Variants in NBAS observed in about 807,000 individuals in gnomAD.
The protein encoded by NBAS is NAG/BC035112 fusion.
In NBAS, 219 loss-of-function variants were observed where a neutral mutation model predicts 302.5. The observed-to-expected ratio is 0.72, with a 90% CI of 0.65 to 0.81. The LOEUF (loss-of-function observed/expected upper bound fraction) is 0.81. NBAS is among the 30% of genes least tolerant of loss of function. NBAS has a pLI of 0.00. For missense variants in NBAS, 2,932 were observed against 2,841.6 expected (o/e 1.03, Z -0.72); for synonymous variants, 1,118 against 1,021.6 (o/e 1.09, Z -1.80).
At chr2:15,349,505 G>C (rs893271920) in intron 35 of NBAS, among the ~76,000 whole-genome samples, 1 of 152,176 alleles carries the variant, frequency 6.6e-6, no homozygotes, top group Non-Finnish European at 1.5e-5. Context: ...CATCTGAAGG[G>C]AGTGAGTGCA....
chr2:15,280,617 G>A (rs891085557), intron 42 of NBAS, among the ~76,000 whole-genome samples: 33 of 152,028 alleles, frequency 2.2e-4, no homozygotes, highest in African/African-American at 7.7e-4. Flanking sequence ...TTTCAAGTTC[G>A]GCTTTCTGCT....
chr2:15,155,786 T>C, the NBAS span, among the ~76,000 whole-genome samples: 1 of 152,220 alleles, frequency 6.6e-6, no homozygotes, highest in Non-Finnish European at 1.5e-5. Flanking sequence ...AAACTGACTG[T>C]TGAAAAGTTT....
At chr2:14,793,259 T>G in the NBAS span, among the ~76,000 whole-genome samples, 1 of 152,200 alleles carries the variant, frequency 6.6e-6, no homozygotes, top group Non-Finnish European at 1.5e-5. Context: ...TATGGTATTT[T>G]GTTATGGCAG....
At chr2:15,432,251 T>G (rs1020345594) in intron 21 of NBAS, among the ~76,000 whole-genome samples, 1 of 151,210 alleles carries the variant, frequency 6.6e-6, no homozygotes, top group South Asian at 2.1e-4. Flanking sequence ...TGGGAAGTCT[T>G]AAGATTTAAA....
chr2:15,359,769 G>C (rs1673803918), intron 32 of NBAS, among the ~76,000 whole-genome samples: 1 of 152,024 alleles, frequency 6.6e-6, no homozygotes, highest in South Asian at 2.1e-4. Flanking sequence ...ACAGGGGTTG[G>C]TTCATAGTTG....
At chr2:14,936,192 A>C in the NBAS span, among the ~76,000 whole-genome samples, 1 of 152,150 alleles carries the variant, frequency 6.6e-6, no homozygotes, top group African/African-American at 2.4e-5. Context: ...TGCAGGAAAA[A>C]CCATAGCAGA....
intron 44 of NBAS, among the ~76,000 whole-genome samples, chr2:15,270,478 A>T (rs150501137): frequency 6.6e-6 from 1 of 152,306 alleles, no homozygotes; most frequent in Non-Finnish European, 1.5e-5. Flanking sequence ...TTAACTTCTA[A>T]TATGATAAAT....
chr2:14,915,575 T>C, the NBAS span, among the ~76,000 whole-genome samples: 2 of 152,114 alleles, frequency 1.3e-5, no homozygotes, highest in Non-Finnish European at 2.9e-5. Flanking sequence ...GTTTTTTTTG[T>C]TTTTTGAGAC....
the NBAS span, among the ~76,000 whole-genome samples, chr2:14,935,028 T>G: frequency 1.3e-5 from 2 of 152,212 alleles, no homozygotes; most frequent in African/African-American, 4.8e-5. Flanking sequence ...ATTTTTCTAT[T>G]AATCCAGCTC....
Position 15,461,263 on chromosome 2 carries a change from A to T in NBAS, c.2277T>A (p.Ile759=). 1 of 1,613,782 alleles carries T rather than the reference A, an allele frequency of 6.2e-7. No individual in the cohort carries two copies. Among genetic ancestry groups the T allele is most frequent in the Non-Finnish European group, 8.5e-7 (1 of 1,179,722 alleles). The change falls in exon 21 of 52, where the codon ATT becomes ATA. Residue 759 remains isoleucine (I), a synonymous_variant. Coordinates refer to ENST00000281513, the MANE Select transcript of NBAS (RefSeq NM_015909.4). Reference sequence around the variant, plus strand: ...AAGTGGTCTCTGGAAAGTTGGACAGAATTGCAAGGCGATGAGGAAGCAGGT... The same window carrying T: ...AAGTGGTCTCTGGAAAGTTGGACAGTATTGCAAGGCGATGAGGAAGCAGGT... ...GSDLLPHRLA[I]LSNFPETTSP...
Position 15,340,466 on chromosome 2 carries a change from G to A in NBAS, c.4180-9701C>T, listed in dbSNP as rs114556710. Among the ~76,000 whole-genome samples, 421 of 152,248 alleles carry A rather than the reference G, an allele frequency of 2.8e-3. 1 individual carries two copies. The highest frequency in any genetic ancestry group is 9.3e-3 in the African/African-American group (387 of 41,552). ...GATGTGGTAGGTGGGGAGAGGAAGA[G>A]GGCTGAAATCAGTAGTTCAATTTTA... On this transcript the variant is annotated intron_variant, in intron 35 of 51. Coordinates refer to ENST00000281513, the MANE Select transcript of NBAS (RefSeq NM_015909.4).
the NBAS span, among the ~76,000 whole-genome samples, chr2:14,859,846 T>C: frequency 6.6e-6 from 1 of 152,110 alleles, no homozygotes; most frequent in East Asian, 1.9e-4. Flanking sequence ...TACATCAAGC[T>C]AAAAAGCTTC....
At chr2:15,179,242 G>C in intron 50 of NBAS, 126 bp from the exon 51 acceptor site, 1 of 1,396,180 alleles carries the variant, frequency 7.2e-7, no homozygotes, top group East Asian at 2.4e-5. Context: ...GCCACATATG[G>C]TACCGCACTG....
the NBAS span, among the ~76,000 whole-genome samples, chr2:15,002,530 G>A: frequency 5.5e-4 from 84 of 152,298 alleles, no homozygotes; most frequent in Non-Finnish European, 1.0e-3. Context: ...CACGCCGTGC[G>A]CCCACACTCC....
At chr2:15,403,261 C>A (rs1676239965) in intron 25 of NBAS, among the ~76,000 whole-genome samples, 1 of 152,048 alleles carries the variant, frequency 6.6e-6, no homozygotes, top group Non-Finnish European at 1.5e-5. Flanking sequence ...GTAGAAAAAT[C>A]ACATCAATGG....
At chr2:15,453,990 G>C (rs764352880) in intron 21 of NBAS, among the ~76,000 whole-genome samples, 7 of 152,018 alleles carry the variant, frequency 4.6e-5, no homozygotes, top group Non-Finnish European at 8.8e-5. Context: ...TGTTGGCCAG[G>C]ATGGTCTCAA....
chr2:15,061,226 G>T, the NBAS span, among the ~76,000 whole-genome samples: 1 of 152,064 alleles, frequency 6.6e-6, no homozygotes. Flanking sequence ...ACATACATTC[G>T]GATGTAACTG....
At chr2:15,001,928 AG>A in the NBAS span, among the ~76,000 whole-genome samples, 3 of 152,156 alleles carry the variant, frequency 2.0e-5, no homozygotes, top group Non-Finnish European at 4.4e-5. Flanking sequence ...AGGGGACCCC[AG>A]GGGGTTGCCA....
intron 42 of NBAS, among the ~76,000 whole-genome samples, chr2:15,281,944 T>C (rs1669845110): frequency 6.6e-6 from 1 of 152,202 alleles, no homozygotes. Flanking sequence ...TTCTGGTTTT[T>C]AGGATTTCTA....
Sources: gnomAD v4.1 joint callset for allele counts (sites outside exome capture counted in the v4.1 genomes callset) on GRCh38, gnomAD v4.1.1 for gene constraint, MANE v1.5 for transcripts, NCBI Gene and HGNC (gene_info 2026-07-23, HGNC 2026-07-21) for gene names.